Variants in AFG2A observed in about 807,000 individuals in gnomAD.
The protein encoded by AFG2A is AAA ATPase AFG2A, also known as ATPase family gene 2 protein homolog A.
the AFG2A span, chr4:123,315,262 C>T: frequency 6.6e-6 from 1 of 151,146 alleles, no homozygotes. Flanking sequence ...AGGCTCACTG[C>T]AAGCTCTGCC....
the AFG2A span, among the ~76,000 whole-genome samples, chr4:123,076,010 G>A: frequency 1.3e-5 from 2 of 150,664 alleles, no homozygotes; most frequent in Non-Finnish European, 3.0e-5. Context: ...AAAGCTCCCT[G>A]AACTGGGTGC....
At chr4:123,241,016 T>C in the AFG2A span, among the ~76,000 whole-genome samples, 1 of 152,156 alleles carries the variant, frequency 6.6e-6, no homozygotes, top group African/African-American at 2.4e-5. Flanking sequence ...TTTACTCAAA[T>C]AAACTAGAAA....
At chr4:123,222,395 A>G in the AFG2A span, among the ~76,000 whole-genome samples, 1 of 152,184 alleles carries the variant, frequency 6.6e-6, no homozygotes, top group Admixed American at 6.6e-5. Context: ...AAACACTAAT[A>G]TTCTGGTATG....
At chr4:123,120,870 T>C in the AFG2A span, among the ~76,000 whole-genome samples, 2 of 152,190 alleles carry the variant, frequency 1.3e-5, no homozygotes, top group Non-Finnish European at 2.9e-5. Flanking sequence ...ATTTTTATCA[T>C]TGTAGTGTGT....
At chr4:123,170,256 C>T in the AFG2A span, among the ~76,000 whole-genome samples, 4 of 152,152 alleles carry the variant, frequency 2.6e-5, no homozygotes, top group Admixed American at 2.0e-4. Context: ...AGAAGACTTA[C>T]CCCATCACTG....
chr4:122,975,535 T>C, the AFG2A span, among the ~76,000 whole-genome samples: 179 of 152,266 alleles, frequency 1.2e-3, 1 homozygote, highest in Non-Finnish European at 1.6e-3. Flanking sequence ...GGAAAGAATA[T>C]TGCAGCAACA....
the AFG2A span, among the ~76,000 whole-genome samples, chr4:123,137,291 AAGAATTT>A: frequency 1.3e-5 from 2 of 152,116 alleles, no homozygotes; most frequent in Admixed American, 1.3e-4. Context: ...GATATTCTTG[AAGAATTT>A]CTATTTGGTC....
chr4:122,966,568 T>G, the AFG2A span, among the ~76,000 whole-genome samples: 1 of 152,086 alleles, frequency 6.6e-6, no homozygotes, highest in Admixed American at 6.5e-5. Flanking sequence ...TTTTATCAGG[T>G]TAACATCGAT....
chr4:122,938,932 T>A, the AFG2A span, among the ~76,000 whole-genome samples: 1 of 152,086 alleles, frequency 6.6e-6, no homozygotes, highest in Admixed American at 6.5e-5. Context: ...GAGTAAGTCT[T>A]ATTACCCATG....
the AFG2A span, among the ~76,000 whole-genome samples, chr4:123,224,048 TA>T: frequency 7.2e-5 from 11 of 152,192 alleles, no homozygotes. Flanking sequence ...TTTACAGCTT[TA>T]AGTCATATGT....
the AFG2A span, among the ~76,000 whole-genome samples, chr4:122,974,747 T>C: frequency 4.6e-5 from 7 of 152,192 alleles, no homozygotes; most frequent in Middle Eastern, 0.01. Context: ...TTCAAGCGAT[T>C]CTCCTGCCTC....
the AFG2A span, among the ~76,000 whole-genome samples, chr4:123,245,575 G>A: frequency 2.6e-5 from 4 of 152,158 alleles, no homozygotes; most frequent in Non-Finnish European, 5.9e-5. Context: ...ACTTAAGTAT[G>A]TGTATGTGTG....
At chr4:123,297,824 T>C in the AFG2A span, among the ~76,000 whole-genome samples, 4 of 152,118 alleles carry the variant, frequency 2.6e-5, no homozygotes, top group African/African-American at 9.7e-5. Context: ...GAGCAGGAAT[T>C]CCAAAATGGC....
the AFG2A span, among the ~76,000 whole-genome samples, chr4:123,199,603 C>T: frequency 6.6e-6 from 1 of 151,240 alleles, no homozygotes; most frequent in African/African-American, 2.4e-5. Context: ...TCCTGAGTAG[C>T]TGGGACTACA....
At chr4:123,258,366 A>C in the AFG2A span, among the ~76,000 whole-genome samples, 2 of 152,216 alleles carry the variant, frequency 1.3e-5, no homozygotes, top group African/African-American at 4.8e-5. Context: ...GACGTTAAGT[A>C]ATGCTTAAGA....
the AFG2A span, among the ~76,000 whole-genome samples, chr4:123,309,082 C>G: frequency 6.6e-6 from 1 of 152,128 alleles, no homozygotes; most frequent in African/African-American, 2.4e-5. Context: ...ATAATGTGCC[C>G]TGATTGAGTT....
the AFG2A span, among the ~76,000 whole-genome samples, chr4:123,129,716 C>T: frequency 1.3e-5 from 2 of 152,068 alleles, no homozygotes; most frequent in Admixed American, 6.6e-5. Flanking sequence ...AGGCTGGGCA[C>T]GGGACCCATC....
chr4:123,275,597 G>T, the AFG2A span, among the ~76,000 whole-genome samples: 1 of 151,968 alleles, frequency 6.6e-6, no homozygotes, highest in Non-Finnish European at 1.5e-5. Flanking sequence ...CATCATGCAG[G>T]TAATAATCAC....
the AFG2A span, among the ~76,000 whole-genome samples, chr4:123,082,333 A>T: frequency 0.011 from 1,683 of 151,722 alleles, 17 homozygotes; most frequent in Non-Finnish European, 0.018. Context: ...GTCTAGATTC[A>T]TTTTTTTTGC....
Sources: gnomAD v4.1 joint callset for allele counts (sites outside exome capture counted in the v4.1 genomes callset) on GRCh38, gnomAD v4.1.1 for gene constraint, MANE v1.5 for transcripts, NCBI Gene and HGNC (gene_info 2026-07-23, HGNC 2026-07-21) for gene names.